Variants in CCDC198 observed in about 807,000 individuals in gnomAD.
The protein encoded by CCDC198 is factor associated with metabolism and energy.
CCDC198 carries 18 observed loss-of-function variants against 35.6 expected under a neutral mutation model. The observed-to-expected ratio is 0.51, with a 90% CI of 0.35 to 0.75. The LOEUF is 0.75. Among genes scored for constraint, CCDC198 ranks in the 30% least tolerant of loss-of-function variants. CCDC198 has a pLI of 0.01. For synonymous variants in CCDC198, 119 were observed against 113.4 expected (o/e 1.05, Z -0.31); for missense variants, 365 against 343.7 (o/e 1.06, Z -0.49).
intron 3 of CCDC198, 54 bp from the exon 4 acceptor site, chr14:57,481,714 A>G (rs2067194689): frequency 8.9e-7 from 1 of 1,117,398 alleles, no homozygotes; most frequent in African/African-American, 1.5e-5. Flanking sequence ...TGACTCTGCA[A>G]TTCACAAGTT....
Position 57,491,024 on chromosome 14 carries a change from T to C in CCDC198, c.271A>G (p.Ser91Gly). The change falls in exon 2 of 6, where the codon AGT becomes GGT. Residue 91 changes from serine (S) to glycine (G), a missense_variant. Transcript: ENST00000216445. ...FDIPLEHRET[S>G]IIKRHPPQRL... ...TGGGGTGGATGCCTTTTAATAATAC[T>C]TGTTTCTCTGTGTTCCAGTGGGATG... is the stretch of plus-strand genomic sequence containing the variant. The C allele has an allele frequency of 6.2e-7, 1 of 1,609,856 alleles. No homozygotes were observed. Among genetic ancestry groups the C allele is most frequent in the Non-Finnish European group, 8.5e-7 (1 of 1,176,604 alleles).
chr14:57,473,047 A>G (rs1159743700), intron 5 of CCDC198, among the ~76,000 whole-genome samples: 2 of 152,224 alleles, frequency 1.3e-5, no homozygotes, highest in East Asian at 3.8e-4. Context: ...TACCTTGTGC[A>G]CCATATTGTT....
chr14:57,472,051 A>G (rs2066838866), intron 5 of CCDC198, among the ~76,000 whole-genome samples: 1 of 152,124 alleles, frequency 6.6e-6, no homozygotes, highest in African/African-American at 2.4e-5. Context: ...AAGAAATTTA[A>G]CATTGATATA....
chr14:57,491,342 A>G (rs2067561807), intron 1 of CCDC198, among the ~76,000 whole-genome samples: 1 of 152,146 alleles, frequency 6.6e-6, no homozygotes, highest in African/African-American at 2.4e-5. Flanking sequence ...TTACAAAATT[A>G]CCAATATGTT....
chr14:57,488,551 G>A (rs946193250), intron 2 of CCDC198, among the ~76,000 whole-genome samples: 25 of 151,930 alleles, frequency 1.6e-4, no homozygotes, highest in African/African-American at 6.0e-4. Flanking sequence ...AAGTATTAAT[G>A]GCTGAAGACA....
At chr14:57,475,471 C>A in intron 5 of CCDC198, 1 of 1,237,316 alleles carries the variant, frequency 8.1e-7, no homozygotes, top group Non-Finnish European at 1.0e-6. Context: ...CGCGGTGGCT[C>A]ATGCCTGTAA....
rs2067153855 is a variant in CCDC198 at position 57,480,705 on chromosome 14, T to C, written c.545A>G (p.Lys182Arg). The change falls in exon 5 of 6, where the codon AAG (lysine) becomes AGG (arginine). Residue 182 changes from lysine (K) to arginine (R), a missense_variant. Physicochemically the swap from Lys to Arg is conservative, Grantham distance 26. Coordinates refer to ENST00000216445, the MANE Select transcript of CCDC198 (RefSeq NM_018168.4). The part of the protein sequence containing the change: ...KSLHGEARIN[K>R]QSPRDHKAKK... ...GGCTTTATGGTCCCTTGGACTTTGC[T>C]TATTAATTCTTGCCTCTCCATGAAG... 1 of 1,614,040 alleles carries C rather than the reference T, an allele frequency of 6.2e-7. No individual in the cohort carries two copies. Among genetic ancestry groups the C allele is most frequent in the African/African-American group, 1.3e-5 (1 of 74,956 alleles).
intron 5 of CCDC198, among the ~76,000 whole-genome samples, chr14:57,472,898 C>T (rs2066865258): frequency 6.6e-6 from 1 of 152,172 alleles, no homozygotes; most frequent in Non-Finnish European, 1.5e-5. Flanking sequence ...GAGTTTCCCA[C>T]TAGACTGGTT....
Position 57,476,443 on chromosome 14 carries a change from G to A in CCDC198, c.655+4152C>T, listed in dbSNP as rs531051576. Among the ~76,000 whole-genome samples, 8 of 152,144 alleles carry A rather than the reference G, an allele frequency of 5.3e-5. 1 individual carries two copies. Among genetic ancestry groups the A allele is most frequent in the African/African-American group, 1.9e-4 (8 of 41,506 alleles). Reference sequence around the variant, plus strand: ...TTCCGGTGCTCTTCCCACCCTCTGTGTTCATTCATGTCACAGCTTCAGCAA... The same window carrying A: ...TTCCGGTGCTCTTCCCACCCTCTGTATTCATTCATGTCACAGCTTCAGCAA... On this transcript the variant is annotated intron_variant, in intron 5 of 5. Transcript: ENST00000216445.
intron 5 of CCDC198, chr14:57,475,843 C>G (rs1436446019): frequency 7.6e-6 from 2 of 262,226 alleles, no homozygotes; most frequent in African/African-American, 6.2e-5. Context: ...TCTCTGTCGA[C>G]CAGGTTGGAG....
rs2066777281 is a variant in CCDC198 at position 57,469,354 on chromosome 14, G to C, written c.*2001C>G. On this transcript the variant is annotated 3_prime_UTR_variant, in exon 6 of 6. Transcript: ENST00000216445. ...AACTCTTTGCCAGCTGTCCTGCTAG[G>C]AAGCAGAAATACCATACAAAGAAGA... The C allele has an allele frequency of 6.6e-6, 1 of 152,288 alleles. No individual in the cohort carries two copies. Among genetic ancestry groups the C allele is most frequent in the Non-Finnish European group, 1.5e-5 (1 of 68,020 alleles). The allele number at this position is 152,288 out of a possible 1,614,324, so 9.4% of individuals were successfully genotyped here.
At chr14:57,476,803 C>A (rs2067012253) in intron 5 of CCDC198, among the ~76,000 whole-genome samples, 1 of 152,176 alleles carries the variant, frequency 6.6e-6, no homozygotes, top group Non-Finnish European at 1.5e-5. Flanking sequence ...TGACCAGACC[C>A]TGATAGTAGA....
At position 57,475,841 on chromosome 14, in the gene CCDC198, G is replaced by A. The variant is rs576828184; in HGVS notation, c.656-4251C>T. On this transcript the variant is annotated intron_variant, in intron 5 of 5. Transcript: ENST00000216445. ...TTTTGAGACAGAGTCTCTCTCTGTCGACCAGGTTGGAGAGCAGTGGTGTGA... is the reference window on the plus strand; with the variant it reads ...TTTTGAGACAGAGTCTCTCTCTGTCAACCAGGTTGGAGAGCAGTGGTGTGA... 1.1e-4 allele frequency: 28 copies of A among 258,802 alleles called. 1 individual carries two copies. The highest frequency in any genetic ancestry group is 3.5e-4 in the African/African-American group (11 of 31,764). 16.0% of individuals were successfully genotyped at this position (258,802 alleles called of 1,614,324 possible). A position where few individuals can be genotyped will look rare whatever the true frequency, so the allele number is the denominator to read the frequency against.
chr14:57,491,735 C>T (rs1382961493), intron 1 of CCDC198, among the ~76,000 whole-genome samples: 2 of 152,084 alleles, frequency 1.3e-5, no homozygotes, highest in Non-Finnish European at 2.9e-5. Context: ...TTATCCTGAG[C>T]TCTTGGGAGT....
At chr14:57,484,858 G>A (rs1171057524) in intron 2 of CCDC198, among the ~76,000 whole-genome samples, 2 of 152,218 alleles carry the variant, frequency 1.3e-5, no homozygotes, top group Non-Finnish European at 2.9e-5. Flanking sequence ...GCTGGCTGCA[G>A]TGTGGAAACT....
At position 57,473,099 on chromosome 14, in the gene CCDC198, C is replaced by A. The variant is rs1152529; in HGVS notation, c.656-1509G>T. Among the ~76,000 whole-genome samples, 1,010 of 152,312 alleles carry A rather than the reference C, an allele frequency of 6.6e-3. 8 individuals carry two copies. The highest frequency in any genetic ancestry group is 0.041 in the Middle Eastern group (12 of 294). On this transcript the variant is annotated intron_variant, in intron 5 of 5. Transcript: ENST00000216445. ...AACTAAGATTGACATACAAAAGCTA[C>A]ACATATTGAATGTATACAGCCTGGT...
At chr14:57,475,707 T>TAAAA in intron 5 of CCDC198, 2 of 361,378 alleles carry the variant, frequency 5.5e-6, no homozygotes, top group Non-Finnish European at 1.1e-5. Flanking sequence ...AACTCTGTCT[T>TAAAA]AAAAAAAAAA....
chr14:57,480,859 A>G, intron 4 of CCDC198, 105 bp from the exon 5 acceptor site: 1 of 1,103,356 alleles, frequency 9.1e-7, no homozygotes, highest in East Asian at 2.4e-5. Flanking sequence ...ATCTGTAGAC[A>G]TCTGCAGTCC....
At position 57,470,652 on chromosome 14, in the gene CCDC198, A is replaced by G. The variant is rs1481754968; in HGVS notation, c.*703T>C. On this transcript the variant is annotated 3_prime_UTR_variant, in exon 6 of 6. Coordinates refer to ENST00000216445, the MANE Select transcript of CCDC198 (RefSeq NM_018168.4). The stretch of plus-strand genomic sequence containing the variant: ...CACATCCAGCCCATCTATTTGTTTT[A>G]TGTAATCTAATTTTCTTTTTAAAAA... The G allele has an allele frequency of 6.6e-6, 1 of 152,192 alleles. No individual in the cohort carries two copies. Among genetic ancestry groups the G allele is most frequent in the African/African-American group, 2.4e-5 (1 of 41,446 alleles). 9.4% of individuals were successfully genotyped at this position (152,192 alleles called of 1,614,324 possible). A position where few individuals can be genotyped will look rare whatever the true frequency, so the allele number is the denominator to read the frequency against.
Sources: gnomAD v4.1 joint callset for allele counts (sites outside exome capture counted in the v4.1 genomes callset) on GRCh38, gnomAD v4.1.1 for gene constraint, MANE v1.5 for transcripts, NCBI Gene and HGNC (gene_info 2026-07-23, HGNC 2026-07-21) for gene names.